RTN3: variants seen among roughly 807,000 people sequenced by gnomAD.
RTN3 encodes reticulon-3.
RTN3 carries 49 observed loss-of-function variants against 77.8 expected under a neutral mutation model. The ratio of observed to expected loss-of-function variants is 0.63; its 90% CI spans 0.50 to 0.80. The LOEUF is 0.80. Ranked by LOEUF, RTN3 falls within the 30% of genes least tolerant of loss-of-function variation. The pLI is 0.00. For synonymous variants in RTN3, 464 were observed against 446.9 expected, an observed-to-expected ratio of 1.04 and a Z score of -0.48; for missense variants, 1,236 against 1,211.9, an observed-to-expected ratio of 1.02 and a Z score of -0.29.
intron 1 of RTN3, among the ~76,000 whole-genome samples, chr11:63,687,968 C>A (rs957976115): frequency 6.6e-6 from 1 of 152,114 alleles, no homozygotes; most frequent in African/African-American, 2.4e-5. Context: ...AGCTGCCACC[C>A]GCTTCCACTG....
At chr11:63,753,027 C>A in intron 5 of RTN3, 42 bp from the exon 6 acceptor site, 1 of 1,582,628 alleles carries the variant, frequency 6.3e-7, no homozygotes, top group South Asian at 1.1e-5. Context: ...TGAATTTTGC[C>A]TTACGGTTAT....
chr11:63,728,627 C>A (rs1323254957), intron 3 of RTN3, among the ~76,000 whole-genome samples: 1 of 152,080 alleles, frequency 6.6e-6, no homozygotes, highest in Admixed American at 6.6e-5. Flanking sequence ...CGGTGGCTCA[C>A]GCCTGTAATC....
intron 2 of RTN3, among the ~76,000 whole-genome samples, chr11:63,709,470 ATGCTTGCATTCAATTTGACTAATGCAG>A (rs1344995528): frequency 1.1e-4 from 17 of 152,144 alleles, no homozygotes; most frequent in African/African-American, 3.9e-4. Flanking sequence ...GCATTAATGA[ATGCTTGCATTCAATTTGACTAATGCAG>A]TAGGCATCTG....
At chr11:63,753,217 C>G (rs1040623937) in intron 6 of RTN3, 79 bp downstream of exon 6, 21 of 1,357,826 alleles carry the variant, frequency 1.5e-5, no homozygotes, top group Non-Finnish European at 2.1e-5. Flanking sequence ...CCCAGCATGG[C>G]TCTACTCATT....
intron 1 of RTN3, among the ~76,000 whole-genome samples, chr11:63,693,842 C>CATATTAGAA (rs1941792985): frequency 6.6e-6 from 1 of 152,136 alleles, no homozygotes; most frequent in Non-Finnish European, 1.5e-5. Flanking sequence ...GAGACTCTGG[C>CATATTAGAA]CGGGCACAGT....
chr11:63,716,979 CAAA>C (rs6144367), intron 2 of RTN3, among the ~76,000 whole-genome samples: 1 of 120,274 alleles, frequency 8.3e-6, no homozygotes, highest in Non-Finnish European at 1.6e-5. Context: ...AAAAAAAAAA[CAAA>C]AAAAAAAAAA....
In RTN3 at chr11:63,759,640, A is replaced by C. The variant is rs1402558996; in HGVS notation, c.*1439A>C. ...GCTTCCCCTCCAAAGGACCTTCTGC[A>C]GTGGAAGTGCCACATCCAGTTCTTT... is the stretch of plus-strand genomic sequence containing the variant. On this transcript the variant is annotated 3_prime_UTR_variant, in exon 9 of 9. Coordinates refer to ENST00000377819, the MANE Select transcript of RTN3 (RefSeq NM_001265589.2). 6.6e-6 allele frequency: 1 copy of C among 152,354 alleles called. No individual in the cohort carries two copies. Among genetic ancestry groups the C allele is most frequent in the Non-Finnish European group, 1.5e-5 (1 of 68,006 alleles). The allele number at this position is 152,354 out of a possible 1,614,324, so 9.4% of individuals were successfully genotyped here.
At chr11:63,723,136 C>T (rs2011940343) in intron 3 of RTN3, among the ~76,000 whole-genome samples, 1 of 152,016 alleles carries the variant, frequency 6.6e-6, no homozygotes, top group Non-Finnish European at 1.5e-5. Context: ...TTTAATCTAG[C>T]GTGAGAGATG....
intron 3 of RTN3, among the ~76,000 whole-genome samples, chr11:63,748,005 T>C (rs2013894472): frequency 6.6e-6 from 1 of 151,960 alleles, no homozygotes; most frequent in African/African-American, 2.4e-5. Context: ...TTAGCCTTCA[T>C]AGACAGAAAT....
At chr11:63,703,650 C>T (rs949038070) in intron 1 of RTN3, among the ~76,000 whole-genome samples, 31 of 151,500 alleles carry the variant, frequency 2.0e-4, no homozygotes, top group African/African-American at 6.8e-4. Context: ...TCACGCCATT[C>T]TCCTGCCTCA....
At chr11:63,737,920 A>G (rs1409492196) in intron 3 of RTN3, among the ~76,000 whole-genome samples, 3 of 152,200 alleles carry the variant, frequency 2.0e-5, no homozygotes, top group African/African-American at 7.2e-5. Context: ...TCTGTCAGTG[A>G]TCTTTCTGTG....
intron 2 of RTN3, among the ~76,000 whole-genome samples, chr11:63,712,634 C>T (rs1232612575): frequency 1.3e-5 from 2 of 151,738 alleles, no homozygotes; most frequent in African/African-American, 2.4e-5. Flanking sequence ...TATAGGCATG[C>T]GCCACCACAC....
At position 63,718,971 on chromosome 11, in the gene RTN3, T is replaced by C; in HGVS notation, c.469T>C (p.Ser157Pro). The C allele has an allele frequency of 6.2e-7, 1 of 1,614,182 alleles. No individual in the cohort carries two copies. The highest frequency in any genetic ancestry group is 8.5e-7 in the Non-Finnish European group (1 of 1,180,038). ...LAAGVHCDRPSIPASFPEHPA... is the reference protein window; with the variant it reads ...LAAGVHCDRPPIPASFPEHPA... ...AGCAGGAGTTCATTGTGACCGTCCT[T>C]CTATTCCAGCCAGTTTCCCAGAGCA... Residue 157 changes from serine to proline, a missense_variant, in exon 3 of 9, where the codon TCT (serine) becomes CCT (proline). Coordinates refer to ENST00000377819, the MANE Select transcript of RTN3 (RefSeq NM_001265589.2).
At position 63,758,379 on chromosome 11, in the gene RTN3, A is replaced by C; in HGVS notation, c.*178A>C. ...TTAACCCTCAGTATCAAGCACAAAA[A>C]TTGATGGACTGATAAAAGAACTATC... On this transcript the variant is annotated 3_prime_UTR_variant, in exon 9 of 9. Transcript: ENST00000377819. 1 of 1,565,202 alleles carries C rather than the reference A, an allele frequency of 6.4e-7. No homozygotes were observed.
chr11:63,756,339 A>AG (rs2014381183), intron 8 of RTN3, among the ~76,000 whole-genome samples, 169 bp downstream of exon 8: 1 of 152,220 alleles, frequency 6.6e-6, no homozygotes, highest in Admixed American at 6.5e-5. Flanking sequence ...TTCTATAAAA[A>AG]GGAAAAAAAA....
chr11:63,681,656 C>T lies in RTN3; in HGVS notation c.20C>T (p.Ala7Val). ...GTAGCCATGGCGGAGCCGTCGGCGG[C>T]CACTCAGTCCCATTCCATCTCCTCG... MAEPSA[A>V]TQSHSISSSS... is the part of the protein sequence containing the mutation. Residue 7 changes from alanine (A) to valine (V), a missense_variant, in exon 1 of 9, where the codon GCC becomes GTC. Ala to Val is a moderately conservative substitution (Grantham distance 64). Around this residue, in one of 3 missense-constraint regions of RTN3, gnomAD observed 1,056 missense variants for 990.4 expected, o/e 1.07. Transcript: ENST00000377819. 1 of 1,594,578 alleles carries T rather than the reference C, an allele frequency of 6.3e-7. No homozygotes were observed. The highest frequency in any genetic ancestry group is 8.5e-7 in the Non-Finnish European group (1 of 1,169,812).
intron 2 of RTN3, among the ~76,000 whole-genome samples, chr11:63,711,608 A>G (rs542098903): frequency 2.6e-5 from 4 of 152,206 alleles, no homozygotes; most frequent in African/African-American, 9.6e-5. Flanking sequence ...CTTGTTGCCC[A>G]GGCTGGAATG....
chr11:63,731,228 G>A (rs1055395526), intron 3 of RTN3, among the ~76,000 whole-genome samples: 3 of 151,946 alleles, frequency 2.0e-5, no homozygotes, highest in Non-Finnish European at 2.9e-5. Context: ...TCACAGGCGC[G>A]TACCACCACG....
In RTN3 at chr11:63,747,492, A is replaced by G. The variant is rs1565342170; in HGVS notation, c.2531-2499A>G. ...GACTCTCGGGTTCCCATCAGGAGTCATAATACCTTCTCTTTCTCCTAGTAA... is the reference window on the plus strand; with the variant it reads ...GACTCTCGGGTTCCCATCAGGAGTCGTAATACCTTCTCTTTCTCCTAGTAA... On this transcript the variant is annotated intron_variant, in intron 3 of 8. Transcript: ENST00000377819. 2.0e-5 allele frequency among the ~76,000 whole-genome samples: 3 copies of G among 152,344 alleles called. No individual in the cohort carries two copies. The East Asian group carries it at 5.8e-4, about 29-fold the overall frequency.
Sources: gnomAD v4.1 joint callset for allele counts (sites outside exome capture counted in the v4.1 genomes callset) on GRCh38, gnomAD v4.1.1 for gene constraint, gnomAD v4.1.1 regional missense constraint, MANE v1.5 for transcripts, NCBI Gene and HGNC (gene_info 2026-07-23, HGNC 2026-07-21) for gene names.